KAZN: variants seen among roughly 807,000 people sequenced by gnomAD.
KAZN encodes the protein kazrin, periplakin interacting protein, also known as kazrin.
In KAZN, 40 loss-of-function variants were observed where a neutral mutation model predicts 87.4. The observed-to-expected ratio is 0.46, with a 90% confidence interval of 0.36 to 0.60. The LOEUF is 0.60. Among genes scored for constraint, KAZN ranks in the 20% least tolerant of loss-of-function variants. KAZN has a pLI of 0.00. For missense variants in KAZN, 898 were observed against 1,073.9 expected, an observed-to-expected ratio of 0.84 and a Z score of 2.29; for synonymous variants, 466 against 458.3, an observed-to-expected ratio of 1.02 and a Z score of -0.22.
chr1:14,038,433 A>C (rs779234651), intron 1 of KAZN, among the ~76,000 whole-genome samples: 1 of 152,208 alleles, frequency 6.6e-6, no homozygotes, highest in Non-Finnish European at 1.5e-5. Flanking sequence ...AACATCCTGC[A>C]CATTTAAAGG....
chr1:14,681,363 T>A (rs1034854360), intron 1 of KAZN, among the ~76,000 whole-genome samples: 2 of 151,974 alleles, frequency 1.3e-5, no homozygotes, highest in African/African-American at 2.4e-5. Context: ...TGGACATATG[T>A]TTTCATTTCT....
intron 2 of KAZN, among the ~76,000 whole-genome samples, chr1:14,348,292 T>A (rs1480041993): frequency 6.6e-6 from 1 of 152,152 alleles, no homozygotes; most frequent in East Asian, 1.9e-4. Flanking sequence ...GTTCAAACAA[T>A]CCACCCTCCC....
intron 1 of KAZN, among the ~76,000 whole-genome samples, chr1:13,979,160 A>G (rs1638533185): frequency 6.6e-6 from 1 of 152,120 alleles, no homozygotes; most frequent in Admixed American, 6.5e-5. Context: ...TGCTCATTGA[A>G]AGCATCAAGC....
At chr1:14,409,715 T>C (rs1388916223) in intron 2 of KAZN, among the ~76,000 whole-genome samples, 1 of 152,116 alleles carries the variant, frequency 6.6e-6, no homozygotes, top group African/African-American at 2.4e-5. Flanking sequence ...ACTACAAATG[T>C]ACAAGGAAAA....
At chr1:14,886,814 A>G (rs759586756) in intron 1 of KAZN, among the ~76,000 whole-genome samples, 1 of 152,142 alleles carries the variant, frequency 6.6e-6, no homozygotes, top group Non-Finnish European at 1.5e-5. Flanking sequence ...ATAAACATGC[A>G]TATGTCTTTA....
In KAZN at chr1:14,705,830, A is replaced by G. The variant is rs1054821936; in HGVS notation, c.226+106607A>G. 2.0e-5 allele frequency among the ~76,000 whole-genome samples: 3 copies of G among 152,184 alleles called. No individual in the cohort carries two copies. In the East Asian group the frequency reaches 5.8e-4, roughly 29 times the overall value. On this transcript the variant is annotated intron_variant, in intron 1 of 14. Transcript: ENST00000376030. ...TTAAAGACTACAAAGTTACAGCTAA[A>G]TAGAAAAGGAATACCTTCTAGCGTT...
At chr1:14,442,692 A>G (rs1666769096) in intron 2 of KAZN, among the ~76,000 whole-genome samples, 1 of 152,210 alleles carries the variant, frequency 6.6e-6, no homozygotes, top group Non-Finnish European at 1.5e-5. Context: ...AGGAAAGAAG[A>G]CCTGTCCTGA....
At chr1:14,944,180 C>T (rs577074409) in intron 1 of KAZN, among the ~76,000 whole-genome samples, 1 of 144,554 alleles carries the variant, frequency 6.9e-6, no homozygotes, top group Non-Finnish European at 1.5e-5. Context: ...AAAGGTAACT[C>T]GGGGACTTGA....
chr1:15,110,315 GTATT>G (rs1265433683), intron 13 of KAZN, among the ~76,000 whole-genome samples: 9 of 151,196 alleles, frequency 6.0e-5, no homozygotes, highest in Non-Finnish European at 8.8e-5. Context: ...GTGTATTTGT[GTATT>G]TGTGTGTGGG....
At chr1:15,030,744 T>C (rs1480275180) in intron 2 of KAZN, among the ~76,000 whole-genome samples, 1 of 152,220 alleles carries the variant, frequency 6.6e-6, no homozygotes, top group Non-Finnish European at 1.5e-5. Flanking sequence ...TTCCATGGAC[T>C]CTACCATCCC....
intron 1 of KAZN, among the ~76,000 whole-genome samples, chr1:13,980,313 T>C (rs1638600842): frequency 6.6e-6 from 1 of 152,164 alleles, no homozygotes; most frequent in African/African-American, 2.4e-5. Flanking sequence ...AGTATAAATA[T>C]ACTAGTCAAA....
intron 1 of KAZN, among the ~76,000 whole-genome samples, chr1:14,039,613 A>T (rs1641712729): frequency 6.6e-6 from 1 of 152,190 alleles, no homozygotes; most frequent in African/African-American, 2.4e-5. Context: ...TATATTTAAA[A>T]CTTTTATTTA....
chr1:13,958,311 C>T (rs1212596633), intron 1 of KAZN, among the ~76,000 whole-genome samples: 1 of 152,174 alleles, frequency 6.6e-6, no homozygotes, highest in Non-Finnish European at 1.5e-5. Flanking sequence ...TGGCTCACGC[C>T]TGTAATCCCA....
rs149462642 is a variant in KAZN, at chr1:14,133,377, AAAAGAAAGAAAGAAAGAAAG to A, written c.92-47014_92-46995del. Among the ~76,000 whole-genome samples, 108 of 72,058 alleles carry A rather than the reference AAAAGAAAGAAAGAAAGAAAG, an allele frequency of 1.5e-3. 6 individuals carry two copies. Among genetic ancestry groups the A allele is most frequent in the Non-Finnish European group, 1.7e-3 (73 of 43,722 alleles). The allele number at this position is 72,058 out of a possible 152,430, so 47.3% of individuals were successfully genotyped here. A position where few individuals can be genotyped will look rare whatever the true frequency, so the allele number is the denominator to read the frequency against. ...TGAGACTCCCTCTCAAAAAAAAAAA[AAAAGAAAGAAAGAAAGAAAG>A]AAAGAAAGAAAGAAAGAAAGAAAGA... On this transcript the variant is annotated intron_variant, in intron 1 of 16. Transcript: ENST00000636203.
chr1:14,594,196 C>T (rs577262886), upstream of KAZN, among the ~76,000 whole-genome samples: 1 of 152,336 alleles, frequency 6.6e-6, no homozygotes, highest in Admixed American at 6.5e-5. Flanking sequence ...CCCTCTTTTG[C>T]TCTCAGCAGC....
chr1:14,603,360 G>T (rs1337275854), intron 1 of KAZN, among the ~76,000 whole-genome samples: 3 of 149,510 alleles, frequency 2.0e-5, no homozygotes, highest in Non-Finnish European at 4.4e-5. Flanking sequence ...TTTCCAGCCA[G>T]ATCAAGGGGT....
chr1:13,977,136 G>T (rs1406848125), intron 1 of KAZN, among the ~76,000 whole-genome samples: 1 of 152,210 alleles, frequency 6.6e-6, no homozygotes, highest in African/African-American at 2.4e-5. Flanking sequence ...TGTGCAGGAA[G>T]AGAGCTTAGT....
At chr1:14,102,430 C>A (rs76728090) in intron 1 of KAZN, among the ~76,000 whole-genome samples, 1 of 151,836 alleles carries the variant, frequency 6.6e-6, no homozygotes, top group Admixed American at 6.6e-5. Context: ...CATGTGACCC[C>A]TCCTGGTTGC....
intron 2 of KAZN, among the ~76,000 whole-genome samples, chr1:14,977,883 CTTTTTTTTTTTTTTTT>C (rs34375176): frequency 1.1e-5 from 1 of 91,144 alleles, no homozygotes; most frequent in Non-Finnish European, 2.0e-5. Flanking sequence ...GGGTGCACGT[CTTTTTTTTTTTTTTTT>C]TTTTTTTTTT....
Sources: allele counts gnomAD v4.1 joint callset (sites outside exome capture counted in the v4.1 genomes callset), GRCh38; gene constraint gnomAD v4.1.1; transcripts MANE v1.5; gene names NCBI Gene and HGNC (gene_info 2026-07-23, HGNC 2026-07-21).